The following UBR3 variants were observed in gnomAD, a reference collection of about 807,000 sequenced individuals.
The protein encoded by UBR3 is E3 ubiquitin-protein ligase UBR3.
A neutral mutation model predicts 243.2 loss-of-function variants in UBR3; 85 were observed. The ratio of observed to expected loss-of-function variants is 0.35; its 90% CI spans 0.29 to 0.42. UBR3 has a LOEUF of 0.42. Among genes scored for constraint, UBR3 ranks in the 10% least tolerant of loss-of-function variants. The probability of loss-of-function intolerance (pLI) is 1.00; values close to 1 mark genes in which losing one functional copy is unlikely to be tolerated. For synonymous variants in UBR3, 748 were observed against 799.8 expected, an observed-to-expected ratio of 0.94 and a Z score of 1.09; for missense variants, 1,686 against 2,300.8, an observed-to-expected ratio of 0.73 and a Z score of 5.47.
chr2:170,008,964 T>C (rs1488218158), intron 29 of UBR3, 24 bp downstream of exon 29: 2 of 1,390,328 alleles, frequency 1.4e-6, no homozygotes, highest in Non-Finnish European at 1.9e-6. Context: ...GTGTATACTT[T>C]TTAGTTTACT....
At position 169,967,240 on chromosome 2, in the gene UBR3, C is replaced by T. The variant is rs1164517540; in HGVS notation, c.3634+8714C>T. ...AATTGAGGAGAGTATGCCCCCCCCA[C>T]CCCCCTACAGGGTATGCGCCCCCCG... On this transcript the variant is annotated intron_variant, in intron 24 of 38. Transcript: ENST00000272793. Among the ~76,000 whole-genome samples, 6 of 126,110 alleles carry T rather than the reference C, an allele frequency of 4.8e-5. No homozygotes were observed. In the East Asian group the frequency reaches 1.1e-3, roughly 23 times the overall value. 82.7% of individuals were successfully genotyped at this position (126,110 alleles called of 152,430 possible).
intron 8 of UBR3, among the ~76,000 whole-genome samples, chr2:169,899,945 GTGCCGCAATA>G (rs1455182838): frequency 2.0e-5 from 3 of 152,146 alleles, no homozygotes; most frequent in Non-Finnish European, 2.9e-5. Flanking sequence ...ATTGTGAACA[GTGCCGCAATA>G]TACATGTGCA....
At chr2:170,002,003 ACT>A (rs1473729328) in intron 27 of UBR3, among the ~76,000 whole-genome samples, 4 of 149,788 alleles carry the variant, frequency 2.7e-5, no homozygotes, top group Admixed American at 6.7e-5. Context: ...AGACTTTGCT[ACT>A]CTCTCTGAAA....
intron 10 of UBR3, among the ~76,000 whole-genome samples, chr2:169,907,036 C>CTTT (rs36078695): frequency 3.3e-4 from 37 of 112,292 alleles, no homozygotes; most frequent in South Asian, 6.1e-4. Context: ...AAATTTCTTT[C>CTTT]TTTTTTTTTT....
At chr2:169,894,273 T>C (rs2084489408) in intron 6 of UBR3, among the ~76,000 whole-genome samples, 1 of 130,220 alleles carries the variant, frequency 7.7e-6, no homozygotes, top group East Asian at 2.4e-4. Flanking sequence ...CAGTGAGCTA[T>C]GATTACGCCA....
chr2:169,939,489 G>A (rs546730382), intron 19 of UBR3, among the ~76,000 whole-genome samples: 3 of 149,686 alleles, frequency 2.0e-5, no homozygotes, highest in East Asian at 2.0e-4. Flanking sequence ...GGATGGTCTC[G>A]ATCTCCTGAC....
chr2:169,900,126 G>A (rs1429006912), intron 8 of UBR3, among the ~76,000 whole-genome samples: 6 of 152,270 alleles, frequency 3.9e-5, no homozygotes, highest in South Asian at 2.1e-4. Context: ...GTGTAAAAGC[G>A]TTCCTATTTC....
At chr2:170,033,192 G>A (rs1353410983) in intron 31 of UBR3, among the ~76,000 whole-genome samples, 1 of 151,960 alleles carries the variant, frequency 6.6e-6, no homozygotes, top group East Asian at 1.9e-4. Context: ...TAGATATTAT[G>A]CTTTCTGTAA....
intron 1 of UBR3, among the ~76,000 whole-genome samples, chr2:169,831,862 A>AT (rs1270993899): frequency 1.3e-5 from 2 of 152,080 alleles, no homozygotes; most frequent in Admixed American, 6.5e-5. Context: ...ATGTGTGTTG[A>AT]TTTTGGGGTT....
At chr2:170,069,823 C>G (rs143209115) in intron 35 of UBR3, among the ~76,000 whole-genome samples, 1,765 of 152,022 alleles carry the variant, frequency 0.012, 48 homozygotes, top group African/African-American at 0.039. Context: ...TTGTTCCCCC[C>G]CCAGATACTA....
chr2:170,035,512 T>C (rs1357622164), intron 31 of UBR3, among the ~76,000 whole-genome samples: 3 of 152,022 alleles, frequency 2.0e-5, no homozygotes. Flanking sequence ...TTCTGTTCCA[T>C]TGATCTTATT....
intron 35 of UBR3, among the ~76,000 whole-genome samples, chr2:170,069,770 T>C (rs542669250): frequency 1.3e-5 from 2 of 152,186 alleles, no homozygotes; most frequent in East Asian, 3.9e-4. Context: ...GGTTGAATAA[T>C]ATTTCATGTG....
At chr2:170,051,646 C>T (rs1298849199) in intron 32 of UBR3, among the ~76,000 whole-genome samples, 1 of 152,152 alleles carries the variant, frequency 6.6e-6, no homozygotes, top group East Asian at 1.9e-4. Context: ...CGCCCGGCCA[C>T]ATCACTTCTT....
rs1002715740 is a variant in UBR3, at chr2:170,065,942, C to CA, written c.5019+4507dup. 1.0e-4 allele frequency among the ~76,000 whole-genome samples: 15 copies of CA among 146,740 alleles called. No individual in the cohort carries two copies. In the East Asian group the frequency reaches 1.4e-3, roughly 14 times the overall value. ...AGGTAGTGCCCTACCCCACCCCCCGCAAAAAAAATGCTTCTACGTATCCCG... is the reference window on the plus strand; with the variant it reads ...AGGTAGTGCCCTACCCCACCCCCCGCAAAAAAAAATGCTTCTACGTATCCCG... On this transcript the variant is annotated intron_variant, in intron 35 of 38. Coordinates refer to ENST00000272793, the MANE Select transcript of UBR3 (RefSeq NM_172070.4).
intron 5 of UBR3, among the ~76,000 whole-genome samples, chr2:169,887,454 G>C (rs2084146887): frequency 6.6e-6 from 1 of 152,002 alleles, no homozygotes. Flanking sequence ...TAACTGTTTT[G>C]TTTTCGTTTT....
intron 36 of UBR3, chr2:170,078,345 C>T (rs2091852593): frequency 7.6e-6 from 2 of 261,624 alleles, no homozygotes; most frequent in South Asian, 4.3e-5. Context: ...TTTTGGGTCT[C>T]AGAGACCCAC....
chr2:169,910,693 C>T (rs1267103332), intron 10 of UBR3, among the ~76,000 whole-genome samples: 1 of 152,084 alleles, frequency 6.6e-6, no homozygotes, highest in Non-Finnish European at 1.5e-5. Context: ...AGACATTGTT[C>T]TAGGCACTTT....
At chr2:170,018,091 G>C (rs930595767) in intron 30 of UBR3, among the ~76,000 whole-genome samples, 2 of 152,140 alleles carry the variant, frequency 1.3e-5, no homozygotes, top group African/African-American at 4.8e-5. Context: ...AAAGGATGCA[G>C]AACTTTTAAG....
At chr2:170,032,712 A>G (rs1167279409) in intron 31 of UBR3, among the ~76,000 whole-genome samples, 10 of 151,060 alleles carry the variant, frequency 6.6e-5, no homozygotes, top group African/African-American at 2.4e-4. Flanking sequence ...GAAATGCCAC[A>G]GACTAATGTG....
Sources: allele counts gnomAD v4.1 joint callset (sites outside exome capture counted in the v4.1 genomes callset), GRCh38; gene constraint gnomAD v4.1.1; transcripts MANE v1.5; gene names NCBI Gene and HGNC (gene_info 2026-07-23, HGNC 2026-07-21).